The following PFKFB3 variants were observed in gnomAD, a reference collection of about 807,000 sequenced individuals.
The protein encoded by PFKFB3 is 6-phosphofructo-2-kinase/fructose-2,6-bisphosphatase 3.
PFKFB3 carries 33 observed loss-of-function variants against 68.0 expected under a neutral mutation model. That is an observed-to-expected ratio of 0.49 (90% CI 0.37 to 0.65). The LOEUF (loss-of-function observed/expected upper bound fraction) is 0.65, where lower values mean the gene tolerates loss of function less well. Ranked by LOEUF, PFKFB3 falls within the 30% of genes least tolerant of loss-of-function variation. The probability of loss-of-function intolerance (pLI) is 0.00; values close to 1 mark genes in which losing one functional copy is unlikely to be tolerated. For missense variants in PFKFB3, 586 were observed against 712.2 expected, an observed-to-expected ratio of 0.82 and a Z score of 2.02; for synonymous variants, 315 against 288.2, an observed-to-expected ratio of 1.09 and a Z score of -0.94.
intron 1 of PFKFB3, among the ~76,000 whole-genome samples, chr10:6,160,855 G>A (rs1167734860): frequency 1.3e-5 from 2 of 151,992 alleles, no homozygotes; most frequent in African/African-American, 2.4e-5. Context: ...AAAATGAGAA[G>A]TTAAAAGAGA....
intron 1 of PFKFB3, among the ~76,000 whole-genome samples, chr10:6,211,335 C>G (rs1844220992): frequency 6.6e-6 from 1 of 152,306 alleles, no homozygotes; most frequent in Non-Finnish European, 1.5e-5. Context: ...GGCGTGGTTC[C>G]GACAGAAATA....
the PFKFB3 span, among the ~76,000 whole-genome samples, chr10:6,282,294 A>T: frequency 6.6e-6 from 1 of 152,164 alleles, no homozygotes; most frequent in Non-Finnish European, 1.5e-5. Flanking sequence ...TTTGGGTCAG[A>T]TTCTCAAGAG....
chr10:6,181,591 G>A (rs1275817893), intron 1 of PFKFB3, among the ~76,000 whole-genome samples: 4 of 152,144 alleles, frequency 2.6e-5, no homozygotes, highest in South Asian at 2.1e-4. Flanking sequence ...AGGCTGAGGC[G>A]GGAGGATTGG....
At position 6,215,418 on chromosome 10, in the gene PFKFB3, G is replaced by C; in HGVS notation, c.299+101G>C. ...AGTAAGGCTGGGCCGCGGGCGTAGG[G>C]CTGGGCTGTGGGAATAAGGCTGGGC... On this transcript the variant is annotated intron_variant, in intron 3 of 14. Coordinates refer to ENST00000379775, the MANE Select transcript of PFKFB3 (RefSeq NM_004566.4). The surrounding 1 kb of genome is among the most constrained non-coding windows in gnomAD (Gnocchi z 4.3). 1 of 854,858 alleles carries C rather than the reference G, an allele frequency of 1.2e-6. No homozygotes were observed. 53.0% of individuals were successfully genotyped at this position (854,858 alleles called of 1,614,324 possible). A position where few individuals can be genotyped will look rare whatever the true frequency, so the allele number is the denominator to read the frequency against.
At chr10:6,276,974 C>T in the PFKFB3 span, among the ~76,000 whole-genome samples, 108,540 of 151,866 alleles carry the variant, frequency 0.71, 40,332 homozygotes, top group Non-Finnish European at 0.8. Flanking sequence ...TGCTACCCCT[C>T]TAGAGCCTCA....
In PFKFB3 at chr10:6,229,073, G is replaced by A. The variant is rs41291281; in HGVS notation, c.1515+2708G>A. Reference sequence around the variant, plus strand: ...AAACACACCCGCCCCTTTATTTCCTGTTTGCTCCTTAAGTTACCTTAACTA... The same window carrying A: ...AAACACACCCGCCCCTTTATTTCCTATTTGCTCCTTAAGTTACCTTAACTA... On this transcript the variant is annotated intron_variant, in intron 14 of 14. Transcript: ENST00000379775. This position sits in a 1 kb window ranked among gnomAD's most constrained non-coding sequence, Gnocchi z 4.3. The A allele has an allele frequency of 1.9e-6, 1 of 523,330 alleles. No homozygotes were observed. The highest frequency in any genetic ancestry group is 1.4e-5 in the South Asian group (1 of 69,764). The allele number at this position is 523,330 out of a possible 1,614,324, so 32.4% of individuals were successfully genotyped here. A position where few individuals can be genotyped will look rare whatever the true frequency, so the allele number is the denominator to read the frequency against.
chr10:6,188,630 AAAC>A (rs919963330), intron 1 of PFKFB3, among the ~76,000 whole-genome samples: 80 of 151,734 alleles, frequency 5.3e-4, no homozygotes, highest in African/African-American at 1.9e-3. Flanking sequence ...TGCACCCAAT[AAAC>A]AACAATTCCT....
the PFKFB3 span, among the ~76,000 whole-genome samples, chr10:6,276,280 G>T: frequency 6.6e-6 from 1 of 152,002 alleles, no homozygotes; most frequent in Non-Finnish European, 1.5e-5. Flanking sequence ...AATGGGAGGG[G>T]TTGTTGTTTA....
chr10:6,229,589 T>G lies in PFKFB3; in HGVS notation c.1515+3224T>G, dbSNP rs529757161. ...GGTGGGCCTGCCCTTAACTTCCAGC[T>G]TCTTGGGGCGCACCCTCCATCCTCA... is the stretch of plus-strand genomic sequence containing the variant. On this transcript the variant is annotated intron_variant, in intron 14 of 14. Transcript: ENST00000379775. The surrounding 1 kb of genome is among the most constrained non-coding windows in gnomAD (Gnocchi z 4.3). Among the ~76,000 whole-genome samples, 106 of 152,012 alleles carry G rather than the reference T, an allele frequency of 7.0e-4. No homozygotes were observed. The highest frequency in any genetic ancestry group is 2.3e-3 in the African/African-American group (97 of 41,298).
chr10:6,156,548 C>A (rs1338748499), intron 1 of PFKFB3, among the ~76,000 whole-genome samples: 1 of 151,904 alleles, frequency 6.6e-6, no homozygotes. Flanking sequence ...CGCTCTGCGG[C>A]CCAGGCTGAT....
chr10:6,254,295 G>A, exon 15 of PFKFB3: 1 of 398,518 alleles, frequency 2.5e-6, no homozygotes, highest in Middle Eastern at 6.3e-4. Context: ...TGGACCCGGG[G>A]CTGCACCAAG....
downstream of PFKFB3, among the ~76,000 whole-genome samples, chr10:6,256,783 G>C (rs370737726): frequency 1.3e-5 from 2 of 152,200 alleles, no homozygotes; most frequent in Non-Finnish European, 2.9e-5. Flanking sequence ...TGTTCAAATC[G>C]ACCCATGGGA....
intron 1 of PFKFB3, among the ~76,000 whole-genome samples, chr10:6,165,707 T>A (rs958162261): frequency 2.0e-5 from 3 of 152,214 alleles, no homozygotes; most frequent in African/African-American, 7.2e-5. Flanking sequence ...ATGTTTTAGT[T>A]CAGAGGTACA....
In PFKFB3 at chr10:6,226,349, C is replaced by T. The variant is rs150176706; in HGVS notation, c.1499C>T (p.Thr500Met). 10 of 1,612,932 alleles carry T rather than the reference C, an allele frequency of 6.2e-6. No homozygotes were observed. Among genetic ancestry groups the T allele is most frequent in the Middle Eastern group, 1.7e-4 (1 of 6,054 alleles). Residue 500 changes from threonine (T) to methionine (M), a missense_variant, in exon 14 of 15, where the codon ACG (threonine) becomes ATG (methionine). By Grantham distance (81) the Thr-to-Met change is moderately conservative (BLOSUM62 -1). Coordinates refer to ENST00000379775, the MANE Select transcript of PFKFB3 (RefSeq NM_004566.4). ...LPSCLPPEVP[T>M]QLPGQNMKGS... Reference sequence around the variant, plus strand: ...AGCTGCCTGCCCCCGGAGGTGCCCACGCAGCTGCCTGGACAAGTCAGTGCA... The same window carrying T: ...AGCTGCCTGCCCCCGGAGGTGCCCATGCAGCTGCCTGGACAAGTCAGTGCA...
At chr10:6,309,742 A>C in the PFKFB3 span, among the ~76,000 whole-genome samples, 1 of 152,150 alleles carries the variant, frequency 6.6e-6, no homozygotes, top group African/African-American at 2.4e-5. Context: ...TTTTTGCTTC[A>C]AAATAATCAG....
chr10:6,233,176 C>T lies in PFKFB3; in HGVS notation c.*234C>T. The T allele has an allele frequency of 1.9e-6, 1 of 530,832 alleles. No homozygotes were observed. The highest frequency in any genetic ancestry group is 3.1e-5 in the East Asian group (1 of 32,062). 32.9% of individuals were successfully genotyped at this position (530,832 alleles called of 1,614,324 possible). A position where few individuals can be genotyped will look rare whatever the true frequency, so the allele number is the denominator to read the frequency against. On this transcript the variant is annotated 3_prime_UTR_variant, in exon 15 of 15. Transcript: ENST00000379775. ...CTGCCTTTAGCCGTGGGGCCCCCAC[C>T]TCCACTCTCTGGGTTTCCTAGGAAT... is the stretch of plus-strand genomic sequence containing the variant.
chr10:6,192,687 G>A lies in PFKFB3; in HGVS notation c.17-20936G>A, dbSNP rs894236321. 4.5e-3 allele frequency among the ~76,000 whole-genome samples: 685 copies of A among 151,590 alleles called. 3 individuals are homozygous for A. The highest frequency in any genetic ancestry group is 0.015 in the African/African-American group (621 of 41,330). On this transcript the variant is annotated intron_variant, in intron 1 of 14. Coordinates refer to the PFKFB3 transcript ENST00000379789. Reference sequence around the variant, plus strand: ...CCCGTGTGTGTGTGTGTGTGTGTGTGTGTGTGTGTGTGTGTGTGTGTGTGT... The same window carrying A: ...CCCGTGTGTGTGTGTGTGTGTGTGTATGTGTGTGTGTGTGTGTGTGTGTGT...
In PFKFB3 at chr10:6,216,997, T is replaced by C. The variant is rs1195499105; in HGVS notation, c.442-138T>C. 1.8e-5 allele frequency: 17 copies of C among 928,520 alleles called. No individual in the cohort carries two copies. The Admixed American group carries it at 2.8e-4, about 15-fold the overall frequency. 57.5% of individuals were successfully genotyped at this position (928,520 alleles called of 1,614,324 possible). ...CCATGGGGCGTTCCAGAGGCTGCAG[T>C]GAGGAGGTGGGCTTTCCTGTGTTTG... On this transcript the variant is annotated intron_variant, in intron 5 of 14. Coordinates refer to ENST00000379775, the MANE Select transcript of PFKFB3 (RefSeq NM_004566.4).
the PFKFB3 span, among the ~76,000 whole-genome samples, chr10:6,283,132 A>AT: frequency 2.0e-5 from 3 of 151,954 alleles, no homozygotes; most frequent in Non-Finnish European, 1.5e-5. Flanking sequence ...TGCCCAGCTA[A>AT]TTTTTTTGTA....
Sources: gnomAD v4.1 joint callset for allele counts (sites outside exome capture counted in the v4.1 genomes callset) on GRCh38, gnomAD v4.1.1 for gene constraint, Gnocchi (gnomAD v3.1) non-coding constraint, MANE v1.5 for transcripts, NCBI Gene and HGNC (gene_info 2026-07-23, HGNC 2026-07-21) for gene names.